IPMK: variants seen among roughly 807,000 people sequenced by gnomAD.
IPMK encodes inositol polyphosphate multikinase.
Under a neutral mutation model 45.8 loss-of-function variants are expected in IPMK, and 17 were observed. The observed-to-expected ratio is 0.37, with a 90% CI of 0.25 to 0.56. The LOEUF (loss-of-function observed/expected upper bound fraction) is 0.56, where lower values mean the gene tolerates loss of function less well. Among genes scored for constraint, IPMK ranks in the 20% least tolerant of loss-of-function variants. IPMK has a pLI of 0.79. For missense variants in IPMK, 399 were observed against 498.0 expected (o/e 0.80, Z 1.89); for synonymous variants, 180 against 184.3 (o/e 0.98, Z 0.19).
chr10:58,202,150 C>T (rs1838007300), intron 4 of IPMK, among the ~76,000 whole-genome samples: 1 of 152,086 alleles, frequency 6.6e-6, no homozygotes, highest in Non-Finnish European at 1.5e-5. Context: ...AGCAACTTAT[C>T]CAGAAGATAA....
In IPMK at chr10:58,194,322, GATT is replaced by G. The variant is rs1338715836; in HGVS notation, c.*1751_*1753del. On this transcript the variant is annotated 3_prime_UTR_variant, in exon 6 of 6. Transcript: ENST00000373935. ...AGAAAAAAGTAAAACTAAAAATTCT[GATT>G]ATTATGACTTGAAATTCATTCCCGT... 2.6e-5 allele frequency: 4 copies of G among 151,718 alleles called. No individual in the cohort carries two copies. The highest frequency in any genetic ancestry group is 3.8e-4 in the East Asian group (2 of 5,196). The allele number at this position is 151,718 out of a possible 1,614,324, so 9.4% of individuals were successfully genotyped here. A position where few individuals can be genotyped will look rare whatever the true frequency, so the allele number is the denominator to read the frequency against.
intron 1 of IPMK, among the ~76,000 whole-genome samples, chr10:58,255,830 G>A (rs1209444581): frequency 6.6e-6 from 1 of 152,136 alleles, no homozygotes; most frequent in Non-Finnish European, 1.5e-5. Flanking sequence ...AAATTGTGAA[G>A]ATTTCATGGA....
rs1183116479 is a variant in IPMK at position 58,196,713 on chromosome 10, A to C, written c.629-15T>G. On this transcript the variant is annotated splice_polypyrimidine_tract_variant and intron_variant, in intron 5 of 5. Coordinates refer to ENST00000373935, the MANE Select transcript of IPMK (RefSeq NM_152230.5). The stretch of plus-strand genomic sequence containing the variant: ...TCTGGAGACTCCTATAAAAAGAAAA[A>C]TATGAGCGTTATAATCAAATTATGA... 7.4e-6 allele frequency: 11 copies of C among 1,490,724 alleles called. No individual in the cohort carries two copies. The highest frequency in any genetic ancestry group is 9.1e-6 in the Non-Finnish European group (10 of 1,101,188). 92.3% of individuals were successfully genotyped at this position (1,490,724 alleles called of 1,614,324 possible). A position where few individuals can be genotyped will look rare whatever the true frequency, so the allele number is the denominator to read the frequency against.
rs1230921223 is a variant in IPMK, at chr10:58,193,518, T to C, written c.*2558A>G. ...TTAATTTATTTGAATCTATGCAATG[T>C]CTATCCATATTAAAATATCAATTAA... On this transcript the variant is annotated 3_prime_UTR_variant, in exon 6 of 6. Coordinates refer to ENST00000373935, the MANE Select transcript of IPMK (RefSeq NM_152230.5). 6.6e-6 allele frequency: 1 copy of C among 151,858 alleles called. No individual in the cohort carries two copies. 9.4% of individuals were successfully genotyped at this position (151,858 alleles called of 1,614,324 possible).
At chr10:58,266,476 C>T (rs999070828) in intron 1 of IPMK, among the ~76,000 whole-genome samples, 3 of 152,150 alleles carry the variant, frequency 2.0e-5, no homozygotes, top group African/African-American at 7.2e-5. Flanking sequence ...TCATTCTTAA[C>T]CAGGGTTGGC....
At chr10:58,215,275 T>A (rs1838227154) in intron 4 of IPMK, among the ~76,000 whole-genome samples, 1 of 152,048 alleles carries the variant, frequency 6.6e-6, no homozygotes, top group Admixed American at 6.5e-5. Context: ...GAACCCTAAA[T>A]AAGATCAGCA....
chr10:58,267,289 G>A (rs990152350), intron 1 of IPMK, 133 bp downstream of exon 1: 4 of 810,032 alleles, frequency 4.9e-6, no homozygotes, highest in Non-Finnish European at 8.0e-6. Context: ...GGGGGACAGC[G>A]GAAGAGGCCA....
intron 1 of IPMK, among the ~76,000 whole-genome samples, chr10:58,253,667 G>T (rs1363907879): frequency 2.0e-5 from 3 of 148,952 alleles, no homozygotes; most frequent in African/African-American, 7.5e-5. Context: ...AACCCAGGAT[G>T]TGGAGGCTGC....
chr10:58,196,628 A>C lies in IPMK; in HGVS notation c.699T>G (p.Ile233Met). ...TTTCAAACCACTGCAGAATTTTCTCAATCTTCTGAATACTGGCAGCAACAG... is the reference window on the plus strand; with the variant it reads ...TTTCAAACCACTGCAGAATTTTCTCCATCTTCTGAATACTGGCAGCAACAG... Reference protein sequence around the residue: ...KDAVAASIQKIEKILQWFENQ... With the variant: ...KDAVAASIQKMEKILQWFENQ... Residue 233 changes from isoleucine to methionine, a missense_variant, in exon 6 of 6, where the codon ATT becomes ATG. Coordinates refer to ENST00000373935, the MANE Select transcript of IPMK (RefSeq NM_152230.5). The C allele has an allele frequency of 6.2e-7, 1 of 1,613,818 alleles. No individual in the cohort carries two copies. Among genetic ancestry groups the C allele is most frequent in the South Asian group, 1.1e-5 (1 of 91,022 alleles).
intron 2 of IPMK, among the ~76,000 whole-genome samples, chr10:58,232,326 A>T (rs1339895575): frequency 6.6e-6 from 1 of 152,244 alleles, no homozygotes; most frequent in African/African-American, 2.4e-5. Flanking sequence ...CTCTACAACA[A>T]GCAGACCTAA....
chr10:58,255,563 A>T (rs957667416), intron 1 of IPMK, among the ~76,000 whole-genome samples: 8 of 152,018 alleles, frequency 5.3e-5, no homozygotes, highest in Non-Finnish European at 1.0e-4. Flanking sequence ...AATGGTTTCT[A>T]ATTGTATTTT....
intron 1 of IPMK, among the ~76,000 whole-genome samples, chr10:58,240,657 GAAAAAA>G (rs200716414): frequency 1.8e-5 from 2 of 114,042 alleles, no homozygotes; most frequent in Admixed American, 1.9e-4. Context: ...CATACACCAC[GAAAAAA>G]AAAAAAAAAA....
rs201833376 is a variant in IPMK at position 58,227,075 on chromosome 10, T to C, written c.341A>G (p.Tyr114Cys). 1 of 1,612,716 alleles carries C rather than the reference T, an allele frequency of 6.2e-7. No homozygotes were observed. The highest frequency in any genetic ancestry group is 8.5e-7 in the Non-Finnish European group (1 of 1,179,030). ...LELRKYLPKY[Y>C]GIWSPPTAPN... ...TGCAGTGGGAGGTGACCAGATGCCATAATATTTTGGCAAATATTTTCGTAG... is the reference window on the plus strand; with the variant it reads ...TGCAGTGGGAGGTGACCAGATGCCACAATATTTTGGCAAATATTTTCGTAG... The change falls in exon 3 of 6, where the codon TAT (tyrosine) becomes TGT (cysteine). Residue 114 changes from tyrosine (Y) to cysteine (C), a missense_variant. By Grantham distance (194) the Tyr-to-Cys change is radical (BLOSUM62 -2). This residue lies in a region of IPMK where 288 missense variants were observed against 398.0 expected (regional missense o/e 0.72). Coordinates refer to ENST00000373935, the MANE Select transcript of IPMK (RefSeq NM_152230.5).
At chr10:58,202,785 A>C (rs1469631881) in intron 4 of IPMK, among the ~76,000 whole-genome samples, 1 of 152,210 alleles carries the variant, frequency 6.6e-6, no homozygotes, top group Non-Finnish European at 1.5e-5. Context: ...ACTACTCAGA[A>C]AAAAAGATTC....
intron 2 of IPMK, among the ~76,000 whole-genome samples, chr10:58,233,923 C>T (rs1009424375): frequency 3.9e-5 from 6 of 152,244 alleles, no homozygotes; most frequent in East Asian, 1.9e-4. Context: ...AAAACCCCAT[C>T]GTCTCAGCCC....
chr10:58,216,833 T>G (rs1395583248), intron 3 of IPMK, among the ~76,000 whole-genome samples: 1 of 152,134 alleles, frequency 6.6e-6, no homozygotes, highest in African/African-American at 2.4e-5. Context: ...CTCACCAGTT[T>G]CAAAGGAAAA....
chr10:58,257,057 G>A (rs761840966), intron 1 of IPMK, among the ~76,000 whole-genome samples: 13 of 152,078 alleles, frequency 8.5e-5, no homozygotes, highest in Non-Finnish European at 1.8e-4. Context: ...AAAAGACCCT[G>A]CTTCTAAAAA....
At chr10:58,217,982 C>A (rs72795660) in intron 3 of IPMK, among the ~76,000 whole-genome samples, 1 of 151,892 alleles carries the variant, frequency 6.6e-6, no homozygotes, top group African/African-American at 2.4e-5. Flanking sequence ...AAGTGAGAAC[C>A]CAGTTAGGGC....
chr10:58,262,309 G>A (rs994204986), intron 1 of IPMK, among the ~76,000 whole-genome samples: 1 of 152,160 alleles, frequency 6.6e-6, no homozygotes, highest in Non-Finnish European at 1.5e-5. Context: ...TAGTATGGGT[G>A]TAGAAATTCT....
Sources: allele counts gnomAD v4.1 joint callset (sites outside exome capture counted in the v4.1 genomes callset), GRCh38; gene constraint gnomAD v4.1.1; regional missense constraint gnomAD v4.1.1; transcripts MANE v1.5; gene names NCBI Gene and HGNC (gene_info 2026-07-23, HGNC 2026-07-21).